The following CGGBP1 variants were observed in gnomAD, a reference collection of about 807,000 sequenced individuals.
CGGBP1 encodes CGG triplet repeat binding protein 1.
Under a neutral mutation model 11.4 loss-of-function variants are expected in CGGBP1, and 4 were observed. The observed-to-expected ratio is 0.35, with a 90% CI of 0.17 to 0.80. CGGBP1 has a LOEUF of 0.80. Ranked by LOEUF, CGGBP1 falls within the 30% of genes least tolerant of loss-of-function variation. CGGBP1 has a pLI of 0.52. For synonymous variants in CGGBP1, 76 were observed against 74.1 expected (o/e 1.03, Z -0.13); for missense variants, 135 against 202.1 (o/e 0.67, Z 2.01).
In CGGBP1 at chr3:88,058,023, T is replaced by A. The variant is rs1271193601; in HGVS notation, c.-130A>T. Reference sequence around the variant, plus strand: ...TTTTCAAGTTTAAATGTTTACCGGATTAGTTTCCAGTTTTTTTCGTCTTGA... The same window carrying A: ...TTTTCAAGTTTAAATGTTTACCGGAATAGTTTCCAGTTTTTTTCGTCTTGA... On this transcript the variant is annotated 5_prime_UTR_variant, in exon 2 of 4. An upstream open reading frame in the 5' UTR loses its in-frame stop. Transcript: ENST00000482016. 2 of 152,248 alleles carry A rather than the reference T, an allele frequency of 1.3e-5. No individual in the cohort carries two copies. The highest frequency in any genetic ancestry group is 2.9e-5 in the Non-Finnish European group (2 of 68,040). 9.4% of individuals were successfully genotyped at this position (152,248 alleles called of 1,614,324 possible).
rs1340320024 is a variant in CGGBP1 at position 88,053,279 on chromosome 3, A to T, written c.*2194T>A. 1.5e-4 allele frequency: 23 copies of T among 152,180 alleles called. No homozygotes were observed. The highest frequency in any genetic ancestry group is 1.5e-3 in the Admixed American group (23 of 15,280). The allele number at this position is 152,180 out of a possible 1,614,324, so 9.4% of individuals were successfully genotyped here. On this transcript the variant is annotated 3_prime_UTR_variant, in exon 4 of 4. Coordinates refer to ENST00000482016, the MANE Select transcript of CGGBP1 (RefSeq NM_001008390.2). ...ACACAGTTAACTAGCTTCAGGGAAC[A>T]AAAGTTCCATAATCAATGAAGAAAC...
At chr3:88,060,098 C>T (rs560074589), upstream of CGGBP1, among the ~76,000 whole-genome samples, 1 of 152,048 alleles carries the variant, frequency 6.6e-6, no homozygotes, top group Non-Finnish European at 1.5e-5. Context: ...ACAGAGAGTG[C>T]GTTAAGGCAA....
Position 88,055,477 on chromosome 3 carries a change from CA to C in CGGBP1, c.499del (p.Cys167ValfsTer3). Reference sequence around the variant, plus strand: ...ACAATGGTGGTAACCTCCTAGTCAACAATCTTGTGAGTTGAGGAGTTGATTC... The same window carrying C: ...ACAATGGTGGTAACCTCCTAGTCAACATCTTGTGAGTTGAGGAGTTGATTC... ...NENQLLNSQD[C>X] On this transcript the variant is annotated frameshift_variant, in exon 4 of 4. Transcript: ENST00000482016. LOFTEE classifies it high-confidence loss of function. The surrounding 1 kb of genome is among the most constrained non-coding windows in gnomAD (Gnocchi z 4.2). The C allele has an allele frequency of 2.0e-6, 3 of 1,516,096 alleles. No individual in the cohort carries two copies. The highest frequency in any genetic ancestry group is 1.8e-6 in the Non-Finnish European group (2 of 1,131,794). 93.9% of individuals were successfully genotyped at this position (1,516,096 alleles called of 1,614,324 possible).
At chr3:88,059,568 G>T, upstream of CGGBP1, 1 of 1,443,444 alleles carries the variant, frequency 6.9e-7, no homozygotes, top group Non-Finnish European at 9.0e-7. Context: ...GCGTCTCCTG[G>T]TCTTCTCGTC....
At chr3:88,058,654 C>A (rs1706648834) in intron 1 of CGGBP1, among the ~76,000 whole-genome samples, 161 bp downstream of exon 1, 1 of 152,164 alleles carries the variant, frequency 6.6e-6, no homozygotes, top group Non-Finnish European at 1.5e-5. Flanking sequence ...AGGCGCCTGG[C>A]GGAGGCGGCC....
intron 2 of CGGBP1, chr3:88,086,443 G>A (rs1288231972): frequency 5.7e-6 from 8 of 1,403,094 alleles, no homozygotes; most frequent in Non-Finnish European, 7.5e-6. Flanking sequence ...TATTTTTCTT[G>A]ATGTGTTTGA....
At chr3:88,118,142 T>A (rs955247150) in intron 2 of CGGBP1, among the ~76,000 whole-genome samples, 2 of 152,164 alleles carry the variant, frequency 1.3e-5, no homozygotes, top group African/African-American at 4.8e-5. Context: ...GCCCTGACGT[T>A]AGAGAAAAGT....
intron 2 of CGGBP1, among the ~76,000 whole-genome samples, chr3:88,101,721 T>G (rs1437644806): frequency 2.6e-5 from 4 of 152,164 alleles, no homozygotes; most frequent in Non-Finnish European, 5.9e-5. Flanking sequence ...TATGATTAGT[T>G]TATGTTTAGC....
chr3:88,133,812 G>A (rs1316446861), intron 2 of CGGBP1, among the ~76,000 whole-genome samples: 1 of 151,904 alleles, frequency 6.6e-6, no homozygotes, highest in Non-Finnish European at 1.5e-5. Flanking sequence ...GGCCTAAAAG[G>A]GTAACATTGA....
chr3:88,081,372 T>TA (rs1708066161), intron 2 of CGGBP1, among the ~76,000 whole-genome samples: 1 of 152,182 alleles, frequency 6.6e-6, no homozygotes, highest in Non-Finnish European at 1.5e-5. Context: ...TTGGGGGAGA[T>TA]ACCTTGAGAC....
intron 2 of CGGBP1, among the ~76,000 whole-genome samples, chr3:88,126,559 ATTTG>A (rs959071148): frequency 1.7e-4 from 25 of 149,876 alleles, no homozygotes; most frequent in African/African-American, 2.7e-4. Context: ...TATTATTAAA[ATTTG>A]TTTAAGTAGA....
chr3:88,138,328 AT>A (rs1445187098), intron 2 of CGGBP1, among the ~76,000 whole-genome samples: 4 of 152,266 alleles, frequency 2.6e-5, no homozygotes, highest in African/African-American at 9.6e-5. Flanking sequence ...AATACACATA[AT>A]TTTGACCCTT....
At chr3:88,092,024 G>C (rs540615473) in intron 2 of CGGBP1, among the ~76,000 whole-genome samples, 1 of 152,208 alleles carries the variant, frequency 6.6e-6, no homozygotes, top group South Asian at 2.1e-4. Flanking sequence ...TTCAATGTAA[G>C]GCAAAAGAAA....
chr3:88,058,356 C>T (rs1433225938), intron 1 of CGGBP1, 133 bp from the exon 2 acceptor site: 1 of 152,268 alleles, frequency 6.6e-6, no homozygotes, highest in Non-Finnish European at 1.5e-5. Context: ...AACTACAAAC[C>T]CGATCCCAAC....
At chr3:88,081,395 T>A (rs1708067890) in intron 2 of CGGBP1, among the ~76,000 whole-genome samples, 1 of 152,168 alleles carries the variant, frequency 6.6e-6, no homozygotes, top group Non-Finnish European at 1.5e-5. Context: ...CAAATCCTGC[T>A]TCTCCTCAAA....
At chr3:88,071,982 ACTTTTT>A (rs1278833902) in intron 2 of CGGBP1, among the ~76,000 whole-genome samples, 2 of 152,168 alleles carry the variant, frequency 1.3e-5, no homozygotes, top group Non-Finnish European at 1.5e-5. Flanking sequence ...AACAGTACAT[ACTTTTT>A]CTTACTATCA....
chr3:88,079,475 G>T (rs1056807721), intron 2 of CGGBP1, among the ~76,000 whole-genome samples: 4 of 152,034 alleles, frequency 2.6e-5, no homozygotes, highest in Non-Finnish European at 4.4e-5. Context: ...AACTGGAACT[G>T]ATAGATGGAT....
chr3:88,128,816 A>G (rs1370505141), intron 2 of CGGBP1: 1 of 1,533,466 alleles, frequency 6.5e-7, no homozygotes, highest in East Asian at 2.4e-5. Context: ...TAGTGAACAA[A>G]TATTTAAGTT....
intron 1 of CGGBP1, among the ~76,000 whole-genome samples, 177 bp downstream of exon 1, chr3:88,058,638 G>A (rs541383282): frequency 6.6e-6 from 1 of 152,326 alleles, no homozygotes; most frequent in South Asian, 2.1e-4. Flanking sequence ...CAAGGGAGGC[G>A]GCGGCAGGCG....
Sources: allele counts gnomAD v4.1 joint callset (sites outside exome capture counted in the v4.1 genomes callset), GRCh38; gene constraint gnomAD v4.1.1; non-coding constraint Gnocchi (gnomAD v3.1); transcripts MANE v1.5; gene names NCBI Gene and HGNC (gene_info 2026-07-23, HGNC 2026-07-21).